The following SFMBT1 variants were observed in gnomAD, a reference collection of about 807,000 sequenced individuals.
SFMBT1 encodes Scm like with four mbt domains 1.
In SFMBT1, 32 loss-of-function variants were observed where a neutral mutation model predicts 108.7. The observed-to-expected ratio is 0.29, with a 90% CI of 0.22 to 0.40. The LOEUF (loss-of-function observed/expected upper bound fraction) is 0.40, where lower values mean the gene tolerates loss of function less well. Ranked by LOEUF, SFMBT1 falls within the 10% of genes least tolerant of loss-of-function variation. SFMBT1 has a pLI of 1.00. For missense variants in SFMBT1, 816 were observed against 1,059.6 expected, an observed-to-expected ratio of 0.77 and a Z score of 3.19; for synonymous variants, 348 against 369.5, an observed-to-expected ratio of 0.94 and a Z score of 0.67.
chr3:52,966,624 C>CAAAAA (rs35044878), intron 2 of SFMBT1, among the ~76,000 whole-genome samples: 12 of 48,396 alleles, frequency 2.5e-4, no homozygotes, highest in Admixed American at 8.3e-4. Context: ...GACTCAGTCT[C>CAAAAA]AAAAAAAAAA....
At chr3:53,036,691 TGA>T (rs1699880109) in intron 1 of SFMBT1, among the ~76,000 whole-genome samples, 1 of 152,184 alleles carries the variant, frequency 6.6e-6, no homozygotes, top group South Asian at 2.1e-4. Context: ...ACAACTTCAT[TGA>T]GAGAGATGTA....
In SFMBT1 at chr3:52,907,024, T is replaced by C. The variant is rs1230001760; in HGVS notation, c.2331+45A>G. The C allele has an allele frequency of 1.9e-6, 3 of 1,562,588 alleles. No homozygotes were observed. In the African/African-American group the frequency reaches 4.1e-5, roughly 21 times the overall value. On this transcript the variant is annotated intron_variant, in intron 19 of 20. Coordinates refer to ENST00000394752, the MANE Select transcript of SFMBT1 (RefSeq NM_016329.4). ...TAATAATCATATTCCAGATGGAAAT[T>C]CCAGAGAGAAAGAAAGAAAAAAGAA...
Position 52,913,463 on chromosome 3 carries a change from A to G in SFMBT1, c.1620+15T>C, listed in dbSNP as rs762977942. Reference sequence around the variant, plus strand: ...TGAAATTTCCAAGTTATTTTGCTCTAGGCCAGAACCTTACCTCTCTAAGGA... The same window carrying G: ...TGAAATTTCCAAGTTATTTTGCTCTGGGCCAGAACCTTACCTCTCTAAGGA... On this transcript the variant is annotated intron_variant, in intron 15 of 20. Transcript: ENST00000394752. 4.2e-5 allele frequency: 67 copies of G among 1,605,144 alleles called. No homozygotes were observed. In the Admixed American group the frequency reaches 1.2e-3, roughly 28 times the overall value.
Position 52,905,262 on chromosome 3 carries a change from C to A in SFMBT1, c.2475G>T (p.Gln825His). ...TGGGAAGGGTAAGGAGCAACAGGGCCTGCCCATCAATTTCCTGTTAAAGCA... is the reference window on the plus strand; with the variant it reads ...TGGGAAGGGTAAGGAGCAACAGGGCATGCCCATCAATTTCCTGTTAAAGCA... ...RIFLDQEIDG[Q>H]ALLLLTLPTV... The change falls in exon 21 of 21, where the codon CAG becomes CAT. Residue 825 changes from glutamine to histidine, a missense_variant. Around this residue, in one of 5 missense-constraint regions of SFMBT1, gnomAD observed 49 missense variants for 91.8 expected, o/e 0.53. Transcript: ENST00000394752. 6.2e-7 allele frequency: 1 copy of A among 1,611,632 alleles called. No homozygotes were observed. The highest frequency in any genetic ancestry group is 8.5e-7 in the Non-Finnish European group (1 of 1,179,176).
chr3:52,926,119 T>C lies in SFMBT1; in HGVS notation c.1049-6A>G, dbSNP rs1575377889. ...AAAGTCCTGGCTTGGGTAGCCTAGG[T>C]GGGGACAAATGAACAATGAGTCACA... On this transcript the variant is annotated splice_polypyrimidine_tract_variant and splice_region_variant and intron_variant, in intron 9 of 20. Coordinates refer to ENST00000394752, the MANE Select transcript of SFMBT1 (RefSeq NM_016329.4). 6.2e-7 allele frequency: 1 copy of C among 1,605,666 alleles called. No homozygotes were observed. The highest frequency in any genetic ancestry group is 1.7e-5 in the Admixed American group (1 of 58,772).
At chr3:53,021,080 G>A (rs1699290175) in intron 1 of SFMBT1, among the ~76,000 whole-genome samples, 1 of 152,104 alleles carries the variant, frequency 6.6e-6, no homozygotes, top group Non-Finnish European at 1.5e-5. Context: ...AAAGAAAGTA[G>A]AGGTCCCCTA....
At chr3:53,042,401 G>A (rs1346016475) in intron 1 of SFMBT1, among the ~76,000 whole-genome samples, 2 of 152,216 alleles carry the variant, frequency 1.3e-5, no homozygotes, top group African/African-American at 4.8e-5. Flanking sequence ...GTGCAGCAGT[G>A]CAATCATAGC....
At chr3:53,045,369 G>C (rs1700194172) in intron 1 of SFMBT1, 1 of 143,118 alleles carries the variant, frequency 7.0e-6, no homozygotes, top group Non-Finnish European at 1.5e-5. Flanking sequence ...CGGGCGGAGC[G>C]CGGGGCGCGC....
intron 1 of SFMBT1, among the ~76,000 whole-genome samples, chr3:53,044,027 G>T (rs1046890405): frequency 6.6e-6 from 1 of 152,040 alleles, no homozygotes; most frequent in Admixed American, 6.6e-5. Flanking sequence ...TGGTTATCAG[G>T]GCATATACAT....
intron 2 of SFMBT1, among the ~76,000 whole-genome samples, chr3:52,956,723 T>C (rs1703798359): frequency 6.6e-6 from 1 of 152,128 alleles, no homozygotes; most frequent in South Asian, 2.1e-4. Flanking sequence ...GTTGCGCCAC[T>C]GCACTCCAGG....
chr3:53,008,852 G>C (rs1329095198), intron 1 of SFMBT1, among the ~76,000 whole-genome samples: 19 of 152,098 alleles, frequency 1.2e-4, no homozygotes, highest in Admixed American at 1.2e-3. Context: ...AGCCAGGATG[G>C]TCTCCATCTC....
chr3:52,981,055 G>C (rs932375204), intron 1 of SFMBT1, among the ~76,000 whole-genome samples: 8 of 151,948 alleles, frequency 5.3e-5, no homozygotes, highest in South Asian at 2.1e-4. Flanking sequence ...CCAGCTACTC[G>C]TGAGGCTGAG....
intron 9 of SFMBT1, 97 bp downstream of exon 9, chr3:52,928,094 G>T: frequency 6.8e-7 from 1 of 1,478,978 alleles, no homozygotes. Flanking sequence ...GGCTAGGGCA[G>T]GAGGAGAGGG....
At chr3:52,920,919 A>G (rs1329037504) in intron 11 of SFMBT1, among the ~76,000 whole-genome samples, 1 of 152,230 alleles carries the variant, frequency 6.6e-6, no homozygotes, top group Admixed American at 6.5e-5. Flanking sequence ...AGAAACTGGA[A>G]CTACCACTGG....
chr3:52,937,137 G>A (rs967988489), intron 4 of SFMBT1, among the ~76,000 whole-genome samples: 10 of 151,874 alleles, frequency 6.6e-5, no homozygotes, highest in Non-Finnish European at 8.8e-5. Flanking sequence ...CACCACGCCC[G>A]GCCACACATT....
At chr3:52,928,619 CATAT>C (rs1341930056) in intron 8 of SFMBT1, 3 of 37,568 alleles carry the variant, frequency 8.0e-5, no homozygotes, top group East Asian at 7.0e-4. Flanking sequence ...CATATATATA[CATAT>C]ATACATATAT....
At chr3:52,987,370 A>T (rs2106889224) in intron 1 of SFMBT1, among the ~76,000 whole-genome samples, 1 of 152,348 alleles carries the variant, frequency 6.6e-6, no homozygotes, top group South Asian at 2.1e-4. Flanking sequence ...TATTTACACC[A>T]GTACCACAAC....
At chr3:52,946,554 G>A (rs567801772) in intron 3 of SFMBT1, among the ~76,000 whole-genome samples, 1 of 152,154 alleles carries the variant, frequency 6.6e-6, no homozygotes, top group Non-Finnish European at 1.5e-5. Context: ...TCCACTATAT[G>A]AATATGTCAC....
chr3:52,967,699 C>A (rs1187993289), intron 2 of SFMBT1, among the ~76,000 whole-genome samples: 1 of 152,048 alleles, frequency 6.6e-6, no homozygotes, highest in Non-Finnish European at 1.5e-5. Context: ...TATGCAGATG[C>A]CAAGTAGGAA....
Sources: allele counts gnomAD v4.1 joint callset (sites outside exome capture counted in the v4.1 genomes callset), GRCh38; gene constraint gnomAD v4.1.1; regional missense constraint gnomAD v4.1.1; transcripts MANE v1.5; gene names NCBI Gene and HGNC (gene_info 2026-07-23, HGNC 2026-07-21).